Variants in SCUBE1 observed in about 807,000 individuals in gnomAD.
SCUBE1 encodes signal peptide, CUB and EGF-like domain-containing protein 1.
SCUBE1 carries 59 observed loss-of-function variants against 124.4 expected under a neutral mutation model. The ratio of observed to expected loss-of-function variants is 0.47; its 90% CI spans 0.38 to 0.59. The LOEUF is 0.59. Among genes scored for constraint, SCUBE1 ranks in the 20% least tolerant of loss-of-function variants. The pLI is 0.00. For synonymous variants in SCUBE1, 545 were observed against 550.9 expected, an observed-to-expected ratio of 0.99 and a Z score of 0.15; for missense variants, 1,150 against 1,371.2, an observed-to-expected ratio of 0.84 and a Z score of 2.55.
intron 6 of SCUBE1, among the ~76,000 whole-genome samples, chr22:43,246,479 C>G (rs542552728): frequency 7.0e-4 from 106 of 152,318 alleles, no homozygotes; most frequent in African/African-American, 2.5e-3. Context: ...GCAGCTCACA[C>G]TCACTGATCA....
rs577168343 is a variant in SCUBE1 at position 43,238,950 on chromosome 22, C to T, written c.732G>A (p.Thr244=). The T allele has an allele frequency of 2.0e-5, 32 of 1,610,920 alleles. No homozygotes were observed. The highest frequency in any genetic ancestry group is 1.6e-4 in the East Asian group (7 of 44,826). The change falls in exon 7 of 22, where the codon ACG becomes ACA. Residue 244 remains threonine, a synonymous_variant. Coordinates refer to ENST00000360835, the MANE Select transcript of SCUBE1 (RefSeq NM_173050.5). ...LHSDGRTCIE[T]CAVNNGGCDR... ...CGCAGCCTCCGTTATTGACTGCGCACGTCTCTGGGGAGGGAAAGAGACAGA... is the reference window on the plus strand; with the variant it reads ...CGCAGCCTCCGTTATTGACTGCGCATGTCTCTGGGGAGGGAAAGAGACAGA...
chr22:43,289,473 G>A (rs986179166), intron 4 of SCUBE1, among the ~76,000 whole-genome samples: 8 of 152,252 alleles, frequency 5.3e-5, no homozygotes, highest in Admixed American at 5.2e-4. Context: ...ACACCACAGA[G>A]CCATGATTAG....
chr22:43,329,486 G>A (rs950552), intron 2 of SCUBE1, among the ~76,000 whole-genome samples: 57,876 of 152,222 alleles, frequency 0.38, 12,206 homozygotes, highest in East Asian at 0.58. Flanking sequence ...ATAGGGCTGG[G>A]ACCCGGTCTC....
At chr22:43,232,075 G>T (rs1244464048) in intron 7 of SCUBE1, 200 bp from the exon 8 acceptor site, 1 of 592,898 alleles carries the variant, frequency 1.7e-6, no homozygotes, top group Non-Finnish European at 3.0e-6. Flanking sequence ...GGGCTGGGTT[G>T]TACTGGGAAG....
chr22:43,251,973 C>A (rs1298499387), intron 6 of SCUBE1, among the ~76,000 whole-genome samples: 1 of 152,220 alleles, frequency 6.6e-6, no homozygotes, highest in Admixed American at 6.5e-5. Context: ...CAGCACCCCA[C>A]GCTGGGTCCT....
chr22:43,264,567 G>T (rs1273424614), intron 4 of SCUBE1, among the ~76,000 whole-genome samples: 1 of 152,194 alleles, frequency 6.6e-6, no homozygotes, highest in Non-Finnish European at 1.5e-5. Flanking sequence ...CCCTGGTAAG[G>T]GTTTGGCCAG....
Position 43,281,479 on chromosome 22 carries a change from TC to T in SCUBE1, c.484+9566del, listed in dbSNP as rs1209849441. Among the ~76,000 whole-genome samples the T allele has an allele frequency of 1.8e-4, 16 of 89,852 alleles. 1 individual carries two copies. Among genetic ancestry groups the T allele is most frequent in the African/African-American group, 1.3e-3 (15 of 11,872 alleles). 58.9% of individuals were successfully genotyped at this position (89,852 alleles called of 152,430 possible). On this transcript the variant is annotated intron_variant, in intron 4 of 21. Coordinates refer to ENST00000360835, the MANE Select transcript of SCUBE1 (RefSeq NM_173050.5). The stretch of plus-strand genomic sequence containing the variant: ...CTCCCTCAGCCACCCTCCTGTCACC[TC>T]CCTCTTTGGCCACCCTCCTGTCACC...
intron 4 of SCUBE1, among the ~76,000 whole-genome samples, chr22:43,263,773 C>A (rs761811394): frequency 6.6e-6 from 1 of 152,244 alleles, no homozygotes; most frequent in Non-Finnish European, 1.5e-5. Context: ...ACTGTAACTC[C>A]TGGTTTCACC....
At position 43,250,885 on chromosome 22, in the gene SCUBE1, A is replaced by T. The variant is rs139613341; in HGVS notation, c.727+7334T>A. Among the ~76,000 whole-genome samples, 3 of 152,348 alleles carry T rather than the reference A, an allele frequency of 2.0e-5. No homozygotes were observed. The East Asian group carries it at 5.8e-4, about 29-fold the overall frequency. On this transcript the variant is annotated intron_variant, in intron 6 of 21. Transcript: ENST00000360835. ...CAGCCAGAAATGCTACTGGGCCTGC[A>T]GAACCGCGTCCCTCAGGCCTGTTCT...
At chr22:43,224,260 T>A (rs1922218719) in intron 10 of SCUBE1, among the ~76,000 whole-genome samples, 1 of 152,228 alleles carries the variant, frequency 6.6e-6, no homozygotes, top group Non-Finnish European at 1.5e-5. Context: ...GAGGGCACCG[T>A]GTGACAACAC....
At position 43,231,868 on chromosome 22, in the gene SCUBE1, G is replaced by A. The variant is rs780130812; in HGVS notation, c.852C>T (p.Asn284=). The stretch of plus-strand genomic sequence containing the variant: ...AGCCTCCGTTGTTGACCAGGCACTC[G>A]TTGATGTCTGTGGGAGCCAAGGGGG... ...QPDGKTCKDI[N]ECLVNNGGCD... Residue 284 remains asparagine, a synonymous_variant, in exon 8 of 22, where the codon AAC becomes AAT. Coordinates refer to ENST00000360835, the MANE Select transcript of SCUBE1 (RefSeq NM_173050.5). 27 of 1,613,302 alleles carry A rather than the reference G, an allele frequency of 1.7e-5. No individual in the cohort carries two copies. The East Asian group carries it at 2.5e-4, about 15-fold the overall frequency.
chr22:43,341,987 G>A (rs77816285), intron 1 of SCUBE1, among the ~76,000 whole-genome samples: 1,619 of 152,118 alleles, frequency 0.011, 29 homozygotes, highest in African/African-American at 0.037. Context: ...GGGATGATGG[G>A]GCAGCAGGGC....
chr22:43,209,664 C>T (rs1031153148), intron 19 of SCUBE1, among the ~76,000 whole-genome samples: 1 of 152,214 alleles, frequency 6.6e-6, no homozygotes, highest in African/African-American at 2.4e-5. Flanking sequence ...GGAGGAGACC[C>T]ATGGAGCTGG....
chr22:43,230,358 A>G (rs1347958687), intron 8 of SCUBE1, among the ~76,000 whole-genome samples: 7 of 151,810 alleles, frequency 4.6e-5, no homozygotes, highest in Non-Finnish European at 1.0e-4. Context: ...CTGAGTGCCA[A>G]GCAAAGGAGC....
chr22:43,307,489 C>G (rs1926013154), intron 3 of SCUBE1, among the ~76,000 whole-genome samples: 1 of 152,180 alleles, frequency 6.6e-6, no homozygotes. Context: ...CCTGCTGGGA[C>G]AAGGAGGACA....
At chr22:43,265,838 G>A (rs1924042094) in intron 4 of SCUBE1, among the ~76,000 whole-genome samples, 1 of 152,220 alleles carries the variant, frequency 6.6e-6, no homozygotes, top group Admixed American at 6.5e-5. Context: ...GGTGGCTCAC[G>A]CCTGTAATCC....
chr22:43,214,046 C>CGGGGGGGGGGGGGGGGGGGGGG, intron 16 of SCUBE1, 44 bp downstream of exon 16: 5 of 422,700 alleles, frequency 1.2e-5, no homozygotes, highest in Non-Finnish European at 2.1e-5. Flanking sequence ...GAGGAGCCCC[C>CGGGGGGGGGGGGGGGGGGGGGG]GCCCACCCCC....
chr22:43,267,970 G>A (rs1419385602), intron 4 of SCUBE1, among the ~76,000 whole-genome samples: 4 of 152,240 alleles, frequency 2.6e-5, no homozygotes, highest in Non-Finnish European at 4.4e-5. Context: ...CTCTAGGGAT[G>A]GGCCTGGGCT....
chr22:43,279,667 G>A (rs185303824), intron 4 of SCUBE1, among the ~76,000 whole-genome samples: 13 of 152,290 alleles, frequency 8.5e-5, no homozygotes, highest in Admixed American at 5.9e-4. Context: ...GACTGATGGC[G>A]TGGGCAAGGG....
Sources: gnomAD v4.1 joint callset for allele counts (sites outside exome capture counted in the v4.1 genomes callset) on GRCh38, gnomAD v4.1.1 for gene constraint, MANE v1.5 for transcripts, NCBI Gene and HGNC (gene_info 2026-07-23, HGNC 2026-07-21) for gene names.